The following ZCCHC10 variants were observed in gnomAD, a reference collection of about 807,000 sequenced individuals.
The protein encoded by ZCCHC10 is zinc finger CCHC-type containing 10.
Under a neutral mutation model 19.5 loss-of-function variants are expected in ZCCHC10, and 16 were observed. The ratio of observed to expected loss-of-function variants is 0.82; its 90% confidence interval spans 0.56 to 1.25. The LOEUF is 1.25. ZCCHC10 is among the 50% of genes most tolerant of loss of function. The pLI is 0.00. For synonymous variants in ZCCHC10, 67 were observed against 72.5 expected, an observed-to-expected ratio of 0.92 and a Z score of 0.38; for missense variants, 197 against 201.0, an observed-to-expected ratio of 0.98 and a Z score of 0.12.
chr5:133,013,004 T>C (rs934442272), intron 2 of ZCCHC10, among the ~76,000 whole-genome samples: 1 of 146,938 alleles, frequency 6.8e-6, no homozygotes. Flanking sequence ...TGAGCCCAGA[T>C]AGCGCCACTG....
chr5:133,024,980 G>T (rs181781730), intron 1 of ZCCHC10, among the ~76,000 whole-genome samples: 57 of 152,160 alleles, frequency 3.7e-4, no homozygotes, highest in Admixed American at 3.4e-3. Context: ...CCCTAAGTCT[G>T]TCTGTACATT....
At chr5:133,001,953 CTTTTT>C (rs34331639) in intron 3 of ZCCHC10, among the ~76,000 whole-genome samples, 22 of 77,870 alleles carry the variant, frequency 2.8e-4, no homozygotes, top group African/African-American at 1.1e-3. Flanking sequence ...ATTCAGCAAT[CTTTTT>C]TTTTTTTTTT....
chr5:132,997,289 C>A lies in ZCCHC10; in HGVS notation c.*1294G>T, dbSNP rs897107922. 6.6e-6 allele frequency: 1 copy of A among 152,024 alleles called. No homozygotes were observed. The highest frequency in any genetic ancestry group is 1.5e-5 in the Non-Finnish European group (1 of 67,996). The allele number at this position is 152,024 out of a possible 1,614,324, so 9.4% of individuals were successfully genotyped here. ...TACATATATTTCAATATTTAAATAG[C>A]CTGTTTTCTTCAAAAGTAATTTTCT... is the stretch of plus-strand genomic sequence containing the variant. On this transcript the variant is annotated 3_prime_UTR_variant, in exon 5 of 5. Transcript: ENST00000509437.
chr5:133,015,931 G>T (rs1581415942), intron 2 of ZCCHC10, among the ~76,000 whole-genome samples: 1 of 152,100 alleles, frequency 6.6e-6, no homozygotes, highest in African/African-American at 2.4e-5. Context: ...CTTTATTCAT[G>T]AGTGTGGATT....
At chr5:133,007,881 A>G (rs1763227657) in intron 2 of ZCCHC10, among the ~76,000 whole-genome samples, 2 of 152,136 alleles carry the variant, frequency 1.3e-5, no homozygotes, top group South Asian at 4.1e-4. Flanking sequence ...ACTACTTTCC[A>G]GCTCAGAACT....
At chr5:133,017,292 T>C (rs560028836) in intron 2 of ZCCHC10, among the ~76,000 whole-genome samples, 1 of 152,248 alleles carries the variant, frequency 6.6e-6, no homozygotes, top group African/African-American at 2.4e-5. Context: ...CCTAGTGTGC[T>C]CTATTCTACC....
chr5:133,011,647 A>C (rs1467336972), intron 2 of ZCCHC10, among the ~76,000 whole-genome samples: 4 of 150,056 alleles, frequency 2.7e-5, no homozygotes. Context: ...AAAAAAAAAA[A>C]ACCTGACTGA....
chr5:133,010,269 G>A (rs769236677), intron 2 of ZCCHC10, among the ~76,000 whole-genome samples: 3 of 151,850 alleles, frequency 2.0e-5, no homozygotes, highest in Non-Finnish European at 4.4e-5. Context: ...GGCTGGTCTC[G>A]AACTCCTAGG....
intron 2 of ZCCHC10, among the ~76,000 whole-genome samples, chr5:133,012,127 C>G (rs1398702486): frequency 1.0e-5 from 1 of 96,452 alleles, no homozygotes; most frequent in Admixed American, 1.6e-4. Context: ...ACAGAGTGAG[C>G]CTCCATCTCA....
intron 4 of ZCCHC10, among the ~76,000 whole-genome samples, chr5:132,999,657 G>A (rs1252390042): frequency 1.3e-5 from 2 of 151,640 alleles, no homozygotes; most frequent in African/African-American, 2.4e-5. Context: ...TGGAAGCAAT[G>A]CATTTCCAGA....
chr5:133,015,271 G>T (rs1216960229), intron 2 of ZCCHC10, among the ~76,000 whole-genome samples: 1 of 151,868 alleles, frequency 6.6e-6, no homozygotes, highest in Non-Finnish European at 1.5e-5. Flanking sequence ...CAGATACAGG[G>T]TTTCACCATG....
intron 2 of ZCCHC10, among the ~76,000 whole-genome samples, chr5:133,013,891 T>C (rs1000443058): frequency 2.6e-5 from 4 of 152,104 alleles, no homozygotes; most frequent in African/African-American, 9.7e-5. Flanking sequence ...GCAATAGAAA[T>C]CTATGCACAA....
chr5:133,021,947 C>T (rs1031227397), intron 2 of ZCCHC10, among the ~76,000 whole-genome samples: 9 of 151,942 alleles, frequency 5.9e-5, no homozygotes, highest in Non-Finnish European at 1.0e-4. Context: ...GTGCCCGCCA[C>T]GACACCTGGC....
rs1661397627 is a variant in ZCCHC10, at chr5:132,998,465, CTT to C, written c.*116_*117del. 1 of 864,352 alleles carries C rather than the reference CTT, an allele frequency of 1.2e-6. No individual in the cohort carries two copies. 53.5% of individuals were successfully genotyped at this position (864,352 alleles called of 1,614,324 possible). A position where few individuals can be genotyped will look rare whatever the true frequency, so the allele number is the denominator to read the frequency against. ...TCTTACAATGTAAAACATTTAGAAA[CTT>C]TTGAATTCTAGAAATGTTCACCAGT... On this transcript the variant is annotated 3_prime_UTR_variant, in exon 5 of 5. Transcript: ENST00000509437.
At chr5:133,004,518 C>T (rs928340512) in intron 3 of ZCCHC10, among the ~76,000 whole-genome samples, 34 of 150,028 alleles carry the variant, frequency 2.3e-4, no homozygotes, top group Admixed American at 1.0e-3. Context: ...GACGGAGTCT[C>T]GCTCTGTCAC....
intron 3 of ZCCHC10, among the ~76,000 whole-genome samples, chr5:133,001,970 TTTTTTTTTTTG>T: frequency 7.2e-6 from 1 of 138,606 alleles, no homozygotes; most frequent in Admixed American, 7.3e-5. Context: ...TTTTTTTTTT[TTTTTTTTTTTG>T]AGATGGAGTC....
rs1378257452 is a variant in ZCCHC10, at chr5:132,998,305, G to A, written c.*278C>T. The A allele has an allele frequency of 1.3e-5, 4 of 307,878 alleles. No individual in the cohort carries two copies. Among genetic ancestry groups the A allele is most frequent in the African/African-American group, 6.5e-5 (3 of 46,444 alleles). The allele number at this position is 307,878 out of a possible 1,614,324, so 19.1% of individuals were successfully genotyped here. ...TGGCATTTATTTCACAGAGAGAAAA[G>A]ATAGTTTCATCACACAAACAGATTT... is the stretch of plus-strand genomic sequence containing the variant. On this transcript the variant is annotated 3_prime_UTR_variant, in exon 5 of 5. Transcript: ENST00000509437.
chr5:133,008,537 C>CCAAA (rs1763286711), intron 2 of ZCCHC10, among the ~76,000 whole-genome samples: 1 of 98,472 alleles, frequency 1.0e-5, no homozygotes, highest in Non-Finnish European at 2.0e-5. Flanking sequence ...GACTCCATCT[C>CCAAA]AAAAAAAAAA....
chr5:133,002,451 C>G lies in ZCCHC10; in HGVS notation c.270-2278G>C, dbSNP rs189713433. ...CAAACTCCTGTCCTCAAGTGATCCTCCCACCTTAGCTTCCCAAAGTGCTAG... is the reference window on the plus strand; with the variant it reads ...CAAACTCCTGTCCTCAAGTGATCCTGCCACCTTAGCTTCCCAAAGTGCTAG... On this transcript the variant is annotated intron_variant, in intron 3 of 4. Coordinates refer to ENST00000509437, the MANE Select transcript of ZCCHC10 (RefSeq NM_001300816.3). Among the ~76,000 whole-genome samples the G allele has an allele frequency of 7.8e-3, 1,193 of 152,198 alleles. 6 individuals carry two copies. The highest frequency in any genetic ancestry group is 0.01 in the Non-Finnish European group (713 of 68,020).
Sources: allele counts gnomAD v4.1 joint callset (sites outside exome capture counted in the v4.1 genomes callset), GRCh38; gene constraint gnomAD v4.1.1; transcripts MANE v1.5; gene names NCBI Gene and HGNC (gene_info 2026-07-23, HGNC 2026-07-21).